Variants in GDAP1 observed in about 807,000 individuals in gnomAD.
GDAP1 encodes ganglioside induced differentiation associated protein 1.
A neutral mutation model predicts 40.1 loss-of-function variants in GDAP1; 34 were observed. The ratio of observed to expected loss-of-function variants is 0.85; its 90% CI spans 0.64 to 1.13. GDAP1 has a LOEUF of 1.13. GDAP1 is among the 50% of genes most tolerant of loss of function. The probability of loss-of-function intolerance (pLI) is 0.00; values close to 1 mark genes in which losing one functional copy is unlikely to be tolerated. For synonymous variants in GDAP1, 170 were observed against 157.4 expected (o/e 1.08, Z -0.60); for missense variants, 374 against 433.7 (o/e 0.86, Z 1.22).
rs182797433 is a variant in GDAP1 at position 74,472,776 on chromosome 8, G to C, written c.166-15902G>C. ...TTTCTTTTCTTTTTTGAGAGACATG[G>C]TGTCGCTCTGTTGCCCAGGCTGCAG... On this transcript the variant is annotated intron_variant, in intron 2 of 2. Transcript: ENST00000523640. Among the ~76,000 whole-genome samples the C allele has an allele frequency of 8.2e-5, 12 of 146,284 alleles. No homozygotes were observed. In the East Asian group the frequency reaches 2.2e-3, roughly 26 times the overall value.
chr8:74,350,437 CGCACCCGT>C lies in GDAP1; in HGVS notation c.-22_-15del. ...AGAAGTCCAGGGCGGACAGGCTGGG[CGCACCCGT>C]GCTCGCGCACCCCAAGATGGCTGAG... is the stretch of plus-strand genomic sequence containing the variant. On this transcript the variant is annotated 5_prime_UTR_variant, in exon 1 of 6. Transcript: ENST00000220822. The C allele has an allele frequency of 7.1e-7, 1 of 1,410,940 alleles. No individual in the cohort carries two copies. The highest frequency in any genetic ancestry group is 1.1e-5 in the South Asian group (1 of 87,168). The allele number at this position is 1,410,940 out of a possible 1,614,324, so 87.4% of individuals were successfully genotyped here.
At chr8:74,353,441 G>A (rs1454868377) in intron 2 of GDAP1, among the ~76,000 whole-genome samples, 2 of 152,136 alleles carry the variant, frequency 1.3e-5, no homozygotes, top group East Asian at 1.9e-4. Flanking sequence ...TATAAATCAA[G>A]GCTAAGTTAT....
At chr8:74,359,025 G>A (rs1000303748) in intron 2 of GDAP1, among the ~76,000 whole-genome samples, 17 of 152,224 alleles carry the variant, frequency 1.1e-4, no homozygotes, top group Admixed American at 7.2e-4. Flanking sequence ...GAGATAGGAA[G>A]AGATTCTGAA....
At chr8:74,418,587 A>G (rs1396581362) in intron 2 of GDAP1, among the ~76,000 whole-genome samples, 1 of 152,232 alleles carries the variant, frequency 6.6e-6, no homozygotes, top group Non-Finnish European at 1.5e-5. Context: ...ACAAGAGGAC[A>G]AGGGACTGTT....
intron 2 of GDAP1, among the ~76,000 whole-genome samples, chr8:74,437,463 T>C (rs1806106898): frequency 6.6e-6 from 1 of 152,174 alleles, no homozygotes; most frequent in African/African-American, 2.4e-5. Flanking sequence ...CATATTAATT[T>C]ATTATTTATT....
chr8:74,423,133 T>C (rs1336451768), intron 2 of GDAP1, among the ~76,000 whole-genome samples: 1 of 147,862 alleles, frequency 6.8e-6, no homozygotes, highest in Non-Finnish European at 1.5e-5. Context: ...TCAATTCATC[T>C]ATCAAATATT....
At chr8:74,446,387 A>G (rs1015361752) in intron 2 of GDAP1, among the ~76,000 whole-genome samples, 2 of 152,166 alleles carry the variant, frequency 1.3e-5, no homozygotes, top group Non-Finnish European at 2.9e-5. Flanking sequence ...TTTGTAATGT[A>G]GGAATGCTGA....
rs761760212 is a variant in GDAP1 at position 74,482,121 on chromosome 8, G to T, written c.166-6557G>T. On this transcript the variant is annotated intron_variant, in intron 2 of 2. Transcript: ENST00000523640. ...AACCAAACTGAAGGGTTTTTTTTTG[G>T]GGGGGGGGGGTCATCTTTCTTCCAG... Among the ~76,000 whole-genome samples, 113 of 31,300 alleles carry T rather than the reference G, an allele frequency of 3.6e-3. No individual in the cohort carries two copies. In the African/African-American group the frequency reaches 0.037, roughly 10 times the overall value. 20.5% of individuals were successfully genotyped at this position (31,300 alleles called of 152,430 possible).
At position 74,384,247 on chromosome 8, in the gene GDAP1, A is replaced by T. The variant is rs545162128; in HGVS notation, c.165+32926A>T. Among the ~76,000 whole-genome samples the T allele has an allele frequency of 2.0e-5, 3 of 152,240 alleles. No homozygotes were observed. The East Asian group carries it at 5.8e-4, about 29-fold the overall frequency. On this transcript the variant is annotated intron_variant, in intron 2 of 2. Transcript: ENST00000523640. ...TTGTAGCTCCTGGTAATTCACTTCA[A>T]TGGGGGAAATAAAAACTGGCAGTAA...
chr8:74,407,124 G>A (rs746530055), intron 2 of GDAP1, among the ~76,000 whole-genome samples: 3 of 150,022 alleles, frequency 2.0e-5, no homozygotes, highest in Admixed American at 6.6e-5. Context: ...AAAACTACAT[G>A]TATTCCATTA....
chr8:74,372,722 T>G (rs1334593946), intron 2 of GDAP1, among the ~76,000 whole-genome samples: 3 of 152,210 alleles, frequency 2.0e-5, no homozygotes, highest in African/African-American at 7.2e-5. Context: ...AGGTTGCCTG[T>G]TCACTCTGAT....
intron 2 of GDAP1, among the ~76,000 whole-genome samples, chr8:74,429,075 T>C (rs1805993871): frequency 6.6e-6 from 1 of 152,056 alleles, no homozygotes; most frequent in Admixed American, 6.5e-5. Context: ...TAGTATTCCA[T>C]GGTGTATATG....
chr8:74,435,552 C>A (rs542342802), intron 2 of GDAP1, among the ~76,000 whole-genome samples: 1 of 152,210 alleles, frequency 6.6e-6, no homozygotes, highest in African/African-American at 2.4e-5. Flanking sequence ...TGAAACACAC[C>A]TGAATTTTAA....
At chr8:74,375,449 G>A (rs1361283236) in intron 2 of GDAP1, among the ~76,000 whole-genome samples, 3 of 152,134 alleles carry the variant, frequency 2.0e-5, no homozygotes, top group African/African-American at 7.2e-5. Flanking sequence ...AGCCAGTAGA[G>A]TTCATATAAT....
At chr8:74,353,365 C>T (rs16938888) in intron 2 of GDAP1, among the ~76,000 whole-genome samples, 41,091 of 151,752 alleles carry the variant, frequency 0.27, 6,128 homozygotes, top group Non-Finnish European at 0.34. Context: ...TTGGGAAGGA[C>T]GAAAAAACGA....
rs575386822 is a variant in GDAP1 at position 74,443,906 on chromosome 8, T to A, written c.166-44772T>A. Among the ~76,000 whole-genome samples the A allele has an allele frequency of 8.5e-4, 130 of 152,286 alleles. No homozygotes were observed. The Middle Eastern group carries it at 0.014, about 16-fold the overall frequency. ...TGCACAGTTTCTCTCCAGCTGTTTT[T>A]CTTTCCTGGCCTTGCATTCACACTT... On this transcript the variant is annotated intron_variant, in intron 2 of 2. Transcript: ENST00000523640.
chr8:74,427,227 C>T (rs1231287854), intron 2 of GDAP1, among the ~76,000 whole-genome samples: 3 of 152,100 alleles, frequency 2.0e-5, no homozygotes, highest in African/African-American at 4.8e-5. Context: ...TGAACGAGGC[C>T]GTGTGATGCC....
chr8:74,372,672 T>C (rs1413264263), intron 2 of GDAP1, among the ~76,000 whole-genome samples: 1 of 152,218 alleles, frequency 6.6e-6, no homozygotes, highest in African/African-American at 2.4e-5. Context: ...ATTAGCCCTT[T>C]GTCAGATGAG....
At chr8:74,362,324 C>T (rs1471335135) in intron 4 of GDAP1, among the ~76,000 whole-genome samples, 3 of 152,146 alleles carry the variant, frequency 2.0e-5, no homozygotes, top group Non-Finnish European at 4.4e-5. Context: ...CCCTGACTTG[C>T]TTTGCCCCCT....
Sources: gnomAD v4.1 joint callset for allele counts (sites outside exome capture counted in the v4.1 genomes callset) on GRCh38, gnomAD v4.1.1 for gene constraint, MANE v1.5 for transcripts, NCBI Gene and HGNC (gene_info 2026-07-23, HGNC 2026-07-21) for gene names.